PIK3C2A: variants seen among roughly 807,000 people sequenced by gnomAD.
PIK3C2A encodes phosphatidylinositol 4-phosphate 3-kinase C2 domain-containing subunit alpha.
In PIK3C2A, 97 loss-of-function variants were observed where a neutral mutation model predicts 204.5. The observed-to-expected ratio is 0.47, with a 90% CI of 0.40 to 0.56. The LOEUF (loss-of-function observed/expected upper bound fraction) is 0.56, where lower values mean the gene tolerates loss of function less well. Ranked by LOEUF, PIK3C2A falls within the 20% of genes least tolerant of loss-of-function variation. PIK3C2A has a pLI of 0.00. For synonymous variants in PIK3C2A, 653 were observed against 664.4 expected (o/e 0.98, Z 0.26); for missense variants, 1,735 against 1,969.2 (o/e 0.88, Z 2.25).
intron 21 of PIK3C2A, 62 bp downstream of exon 21, chr11:17,112,512 A>G (rs1292374315): frequency 2.7e-5 from 20 of 741,404 alleles, no homozygotes; most frequent in Non-Finnish European, 3.0e-5. Flanking sequence ...CAATTTTGGG[A>G]AAGTAATTTG....
intron 1 of PIK3C2A, chr11:17,204,210 T>C (rs1351126028): frequency 6.6e-6 from 1 of 152,238 alleles, no homozygotes; most frequent in Non-Finnish European, 1.5e-5. Context: ...AGCTATTAAG[T>C]GCCTGAAATG....
At position 17,189,716 on chromosome 11, in the gene PIK3C2A, A is replaced by C. The variant is rs567780037; in HGVS notation, c.-66+18132T>G. Among the ~76,000 whole-genome samples, 67 of 151,470 alleles carry C rather than the reference A, an allele frequency of 4.4e-4. 1 individual carries two copies. Among genetic ancestry groups the C allele is most frequent in the South Asian group, 3.3e-3 (16 of 4,792 alleles). ...TCCCCTCCCTAATATTAGTGATTTTAAAAGAAGACAGTTTTGGAGAAGTAT... is the reference window on the plus strand; with the variant it reads ...TCCCCTCCCTAATATTAGTGATTTTCAAAGAAGACAGTTTTGGAGAAGTAT... On this transcript the variant is annotated intron_variant, in intron 1 of 32. Coordinates refer to ENST00000691414, the MANE Select transcript of PIK3C2A (RefSeq NM_002645.4).
At chr11:17,150,803 T>C (rs367996980) in intron 3 of PIK3C2A, 148 bp from the exon 4 acceptor site, 4 of 444,448 alleles carry the variant, frequency 9.0e-6, no homozygotes, top group South Asian at 7.3e-5. Flanking sequence ...TGAGCTCCTG[T>C]TGAAACTCCA....
At position 17,148,458 on chromosome 11, in the gene PIK3C2A, A is replaced by G. The variant is rs61762003; in HGVS notation, c.1448+209T>C. Reference sequence around the variant, plus strand: ...GACTACAAGCTCCTTAAGGGAATACAATGTCTCACTTATCTCTGAAACCCC... The same window carrying G: ...GACTACAAGCTCCTTAAGGGAATACGATGTCTCACTTATCTCTGAAACCCC... On this transcript the variant is annotated intron_variant, in intron 5 of 32. Transcript: ENST00000691414. 3.5e-3 allele frequency: 1,790 copies of G among 515,662 alleles called. 21 individuals are homozygous for G. Among genetic ancestry groups the G allele is most frequent in the African/African-American group, 0.031 (1,628 of 52,428 alleles). 31.9% of individuals were successfully genotyped at this position (515,662 alleles called of 1,614,324 possible).
chr11:17,112,660 A>G lies in PIK3C2A; in HGVS notation c.3328T>C (p.Ser1110Pro). The change falls in exon 21 of 33, where the codon TCC (serine) becomes CCC (proline). Residue 1110 changes from serine (S) to proline (P), a missense_variant. By Grantham distance (74) the Ser-to-Pro change is moderately conservative. Coordinates refer to ENST00000691414, the MANE Select transcript of PIK3C2A (RefSeq NM_002645.4). ...VAKELNIKSCSFFSSNAVPLK... is the reference protein window; with the variant it reads ...VAKELNIKSCPFFSSNAVPLK... ...GGGACAGCATTAGAACTGAAGAAGGAACACGACTGCAAATACAACATGTTA... is the reference window on the plus strand; with the variant it reads ...GGGACAGCATTAGAACTGAAGAAGGGACACGACTGCAAATACAACATGTTA... 6.7e-7 allele frequency: 1 copy of G among 1,487,472 alleles called. No individual in the cohort carries two copies. Among genetic ancestry groups the G allele is most frequent in the Non-Finnish European group, 9.1e-7 (1 of 1,104,496 alleles). 92.1% of individuals were successfully genotyped at this position (1,487,472 alleles called of 1,614,324 possible).
At chr11:17,206,489 T>C (rs1284316920) in intron 1 of PIK3C2A, among the ~76,000 whole-genome samples, 8 of 151,256 alleles carry the variant, frequency 5.3e-5, no homozygotes, top group Admixed American at 3.3e-4. Flanking sequence ...AGCACCATCC[T>C]GTCCAGATAA....
At chr11:17,116,490 C>T (rs932896554) in intron 19 of PIK3C2A, among the ~76,000 whole-genome samples, 2 of 152,174 alleles carry the variant, frequency 1.3e-5, no homozygotes, top group African/African-American at 4.8e-5. Context: ...CTATGATTCC[C>T]CAAAAAGTTA....
At chr11:17,094,433 T>A (rs1461239679) in intron 27 of PIK3C2A, 48 bp from the exon 28 acceptor site, 16 of 1,530,870 alleles carry the variant, frequency 1.0e-5, no homozygotes, top group Non-Finnish European at 1.3e-5. Flanking sequence ...ATTTAAAACC[T>A]TCTTTCCAGG....
intron 1 of PIK3C2A, among the ~76,000 whole-genome samples, chr11:17,196,232 A>G (rs1442951404): frequency 6.6e-6 from 1 of 152,164 alleles, no homozygotes; most frequent in Non-Finnish European, 1.5e-5. Context: ...AATTTGATAT[A>G]CCTCCAAGAT....
rs1184448221 is a variant in PIK3C2A, at chr11:17,188,303, T to C, written c.-65-18497A>G. Among the ~76,000 whole-genome samples the C allele has an allele frequency of 2.7e-5, 4 of 145,878 alleles. 1 individual carries two copies. The highest frequency in any genetic ancestry group is 1.1e-4 in the African/African-American group (4 of 35,754). On this transcript the variant is annotated intron_variant, in intron 1 of 32. Coordinates refer to ENST00000691414, the MANE Select transcript of PIK3C2A (RefSeq NM_002645.4). ...GCAGTGAGCTGAGATCATGCACCACTACACTCCAACCTGGGTGACAGAGTG... is the reference window on the plus strand; with the variant it reads ...GCAGTGAGCTGAGATCATGCACCACCACACTCCAACCTGGGTGACAGAGTG...
intron 1 of PIK3C2A, among the ~76,000 whole-genome samples, chr11:17,196,868 C>T (rs992586544): frequency 2.6e-5 from 4 of 151,848 alleles, no homozygotes; most frequent in African/African-American, 7.3e-5. Context: ...CGTGAGCCAC[C>T]GTGCCCGGCA....
In PIK3C2A at chr11:17,114,080, A is replaced by AAATAAATAAAT. The variant is rs1849090288; in HGVS notation, c.3321+280_3321+281insATTTATTTATT. On this transcript the variant is annotated intron_variant, in intron 20 of 32. Coordinates refer to ENST00000691414, the MANE Select transcript of PIK3C2A (RefSeq NM_002645.4). ...GGGCAAGAGTGAGACTTTGTCTCAA[A>AAATAAATAAAT]AAATAAATAAATAAATAAATAAATA... 3.5e-5 allele frequency among the ~76,000 whole-genome samples: 5 copies of AAATAAATAAAT among 143,384 alleles called. No homozygotes were observed. The South Asian group carries it at 8.9e-4, about 26-fold the overall frequency. The allele number at this position is 143,384 out of a possible 152,430, so 94.1% of individuals were successfully genotyped here. A position where few individuals can be genotyped will look rare whatever the true frequency, so the allele number is the denominator to read the frequency against.
At chr11:17,113,553 T>C (rs982862781) in intron 20 of PIK3C2A, among the ~76,000 whole-genome samples, 1 of 152,004 alleles carries the variant, frequency 6.6e-6, no homozygotes, top group Non-Finnish European at 1.5e-5. Context: ...CAGCTGGGCA[T>C]GGTGGCTCAC....
At chr11:17,142,751 T>C (rs1209126142) in intron 8 of PIK3C2A, among the ~76,000 whole-genome samples, 3 of 152,016 alleles carry the variant, frequency 2.0e-5, no homozygotes, top group Non-Finnish European at 2.9e-5. Context: ...CATCAACAGA[T>C]TAGGAACTGA....
chr11:17,128,614 G>A (rs141665946), intron 13 of PIK3C2A, among the ~76,000 whole-genome samples: 170 of 152,220 alleles, frequency 1.1e-3, no homozygotes, highest in African/African-American at 3.8e-3. Context: ...AACATATCCC[G>A]AACTTACCCA....
chr11:17,091,678 T>C, intron 30 of PIK3C2A, 22 bp from the exon 31 acceptor site: 6 of 1,436,406 alleles, frequency 4.2e-6, no homozygotes, highest in Non-Finnish European at 5.8e-6. Flanking sequence ...AATATTTTCA[T>C]CTTTATTTAC....
intron 12 of PIK3C2A, 120 bp downstream of exon 12, chr11:17,131,796 A>C: frequency 1.3e-6 from 1 of 789,138 alleles, no homozygotes; most frequent in Admixed American, 2.4e-5. Context: ...TTAAGACATA[A>C]GTCAGAAGTT....
chr11:17,204,363 A>G (rs1357075743), intron 1 of PIK3C2A: 3 of 152,250 alleles, frequency 2.0e-5, no homozygotes, highest in Non-Finnish European at 4.4e-5. Context: ...TGCTTTATAT[A>G]TGTAGTCGAA....
rs116967062 is a variant in PIK3C2A, at chr11:17,131,340, A to G, written c.2231+576T>C. Among the ~76,000 whole-genome samples the G allele has an allele frequency of 6.4e-3, 976 of 151,888 alleles. 7 individuals carry two copies. The highest frequency in any genetic ancestry group is 0.01 in the Non-Finnish European group (683 of 67,978). On this transcript the variant is annotated intron_variant, in intron 12 of 32. Coordinates refer to ENST00000691414, the MANE Select transcript of PIK3C2A (RefSeq NM_002645.4). ...CATTCCTTTCTATAACTATAAATTTATATCTTTAACTTGACAAAGTCTAAA... is the reference window on the plus strand; with the variant it reads ...CATTCCTTTCTATAACTATAAATTTGTATCTTTAACTTGACAAAGTCTAAA...
Sources: gnomAD v4.1 joint callset for allele counts (sites outside exome capture counted in the v4.1 genomes callset) on GRCh38, gnomAD v4.1.1 for gene constraint, MANE v1.5 for transcripts, NCBI Gene and HGNC (gene_info 2026-07-23, HGNC 2026-07-21) for gene names.